SPAG16: variants seen among roughly 807,000 people sequenced by gnomAD.
SPAG16 encodes sperm associated antigen 16, also known as sperm-associated antigen 16 protein.
A neutral mutation model predicts 80.4 loss-of-function variants in SPAG16; 86 were observed. That is an observed-to-expected ratio of 1.07 (90% CI 0.90 to 1.28). The LOEUF is 1.28. SPAG16 is among the 50% of genes most tolerant of loss of function. SPAG16 has a pLI of 0.00. For missense variants in SPAG16, 870 were observed against 765.3 expected (o/e 1.14, Z -1.61); for synonymous variants, 294 against 265.9 (o/e 1.11, Z -1.03).
chr2:214,088,458 G>C (rs1003046885), intron 13 of SPAG16, among the ~76,000 whole-genome samples: 2 of 151,924 alleles, frequency 1.3e-5, no homozygotes, highest in African/African-American at 2.4e-5. Flanking sequence ...ATTCTAGAAG[G>C]ACATTTTAAT....
At chr2:214,307,753 A>G (rs1271240052) in intron 15 of SPAG16, among the ~76,000 whole-genome samples, 1 of 152,116 alleles carries the variant, frequency 6.6e-6, no homozygotes, top group African/African-American at 2.4e-5. Flanking sequence ...CTATGGTCTG[A>G]GAGAGTGGTT....
In SPAG16 at chr2:213,576,721, G is replaced by A. The variant is rs113622873; in HGVS notation, c.1070+86631G>A. Among the ~76,000 whole-genome samples the A allele has an allele frequency of 7.9e-4, 120 of 152,224 alleles. 2 individuals carry two copies. Among genetic ancestry groups the A allele is most frequent in the Middle Eastern group, 3.4e-3 (1 of 294 alleles). On this transcript the variant is annotated intron_variant, in intron 10 of 15. Transcript: ENST00000331683. The stretch of plus-strand genomic sequence containing the variant: ...CATTATCCTTAGCAAACTAACACAT[G>A]AACAGAAAACCAAATAGTGCTTGTT...
chr2:214,134,123 T>C (rs2054924434), intron 14 of SPAG16, among the ~76,000 whole-genome samples: 1 of 151,774 alleles, frequency 6.6e-6, no homozygotes, highest in African/African-American at 2.4e-5. Flanking sequence ...TGACGACTCA[T>C]AGTTTCTGAC....
chr2:214,248,403 C>T lies in SPAG16; in HGVS notation c.1720+99137C>T, dbSNP rs529615414. Among the ~76,000 whole-genome samples, 4 of 151,422 alleles carry T rather than the reference C, an allele frequency of 2.6e-5. No homozygotes were observed. In the East Asian group the frequency reaches 5.8e-4, roughly 22 times the overall value. On this transcript the variant is annotated intron_variant, in intron 15 of 15. Coordinates refer to ENST00000331683, the MANE Select transcript of SPAG16 (RefSeq NM_024532.5). ...CACAATCTCAGCTCACTGCAACTTC[C>T]ACTCCCCAGGTTCAGGCAATTCTTC...
chr2:214,385,469 T>C (rs1006195617), intron 15 of SPAG16, among the ~76,000 whole-genome samples: 1 of 152,220 alleles, frequency 6.6e-6, no homozygotes, highest in African/African-American at 2.4e-5. Flanking sequence ...ATTCTGACTC[T>C]AGAGCCTATG....
At chr2:213,824,311 T>C (rs1422157921) in intron 10 of SPAG16, among the ~76,000 whole-genome samples, 1 of 152,224 alleles carries the variant, frequency 6.6e-6, no homozygotes, top group African/African-American at 2.4e-5. Context: ...TTAGACATCT[T>C]TGCCCAATGC....
chr2:213,408,239 TA>T (rs1159908882), intron 9 of SPAG16, among the ~76,000 whole-genome samples: 1 of 152,214 alleles, frequency 6.6e-6, no homozygotes, highest in East Asian at 1.9e-4. Flanking sequence ...CACCTTGTTG[TA>T]AGTGTAAACA....
chr2:213,846,469 C>T (rs2125770885), intron 10 of SPAG16, among the ~76,000 whole-genome samples: 1 of 152,084 alleles, frequency 6.6e-6, no homozygotes, highest in Non-Finnish European at 1.5e-5. Context: ...TTTTCCGACT[C>T]AATTACAGTG....
intron 8 of SPAG16, among the ~76,000 whole-genome samples, chr2:213,370,162 T>C (rs2066551920): frequency 6.6e-6 from 1 of 152,162 alleles, no homozygotes; most frequent in African/African-American, 2.4e-5. Flanking sequence ...GTCATAAAAG[T>C]AACACAACAA....
intron 10 of SPAG16, among the ~76,000 whole-genome samples, chr2:213,517,498 T>G (rs1231370094): frequency 6.6e-6 from 1 of 152,126 alleles, no homozygotes; most frequent in Non-Finnish European, 1.5e-5. Flanking sequence ...GCCTGAATAT[T>G]CAAAGCAATC....
chr2:213,344,968 A>C (rs1343726622), intron 6 of SPAG16, among the ~76,000 whole-genome samples: 1 of 152,186 alleles, frequency 6.6e-6, no homozygotes, highest in Non-Finnish European at 1.5e-5. Flanking sequence ...TGACTTCCAC[A>C]ATGGTTGAAC....
intron 13 of SPAG16, among the ~76,000 whole-genome samples, chr2:214,029,390 G>A (rs532707086): frequency 1.3e-5 from 2 of 152,142 alleles, no homozygotes; most frequent in East Asian, 3.9e-4. Flanking sequence ...TGGATGACTG[G>A]CATTTACTCA....
chr2:213,489,026 G>A (rs1207107541), intron 9 of SPAG16, among the ~76,000 whole-genome samples: 1 of 141,688 alleles, frequency 7.1e-6, no homozygotes, highest in Non-Finnish European at 1.5e-5. Context: ...AGTGAGCCAA[G>A]ATCCCGCCAC....
chr2:213,877,084 C>G (rs2076168773), intron 11 of SPAG16, among the ~76,000 whole-genome samples: 1 of 152,078 alleles, frequency 6.6e-6, no homozygotes, highest in African/African-American at 2.4e-5. Flanking sequence ...GAAAAGTGAC[C>G]TTGATATTTA....
intron 15 of SPAG16, among the ~76,000 whole-genome samples, chr2:214,201,243 T>G (rs967985846): frequency 6.6e-6 from 1 of 152,154 alleles, no homozygotes; most frequent in Non-Finnish European, 1.5e-5. Context: ...AAAATAGAGA[T>G]TCCTGACTAA....
rs145796030 is a variant in SPAG16, at chr2:214,062,852, G to A, written c.1528-45344G>A. Among the ~76,000 whole-genome samples, 1,062 of 151,846 alleles carry A rather than the reference G, an allele frequency of 7.0e-3. 16 individuals are homozygous for A. The highest frequency in any genetic ancestry group is 0.024 in the African/African-American group (989 of 41,410). On this transcript the variant is annotated intron_variant, in intron 13 of 15. Transcript: ENST00000331683. ...AGTGACCTACATGATCTGCTCCTCCGCTTTTCTTCTGACAACATCTCCTAT... is the reference window on the plus strand; with the variant it reads ...AGTGACCTACATGATCTGCTCCTCCACTTTTCTTCTGACAACATCTCCTAT...
chr2:214,376,921 A>G (rs912938764), intron 15 of SPAG16, among the ~76,000 whole-genome samples: 2 of 152,236 alleles, frequency 1.3e-5, no homozygotes, highest in African/African-American at 4.8e-5. Flanking sequence ...AATTTATTAT[A>G]AAAATTTAAA....
At chr2:214,309,787 T>C (rs1448056782) in intron 15 of SPAG16, among the ~76,000 whole-genome samples, 3 of 152,210 alleles carry the variant, frequency 2.0e-5, no homozygotes, top group Non-Finnish European at 4.4e-5. Flanking sequence ...GGAACCAAAG[T>C]GTGGCAGCTG....
rs551587223 is a variant in SPAG16 at position 214,391,583 on chromosome 2, G to T, written c.1721-18557G>T. ...ATGGGTAGAAACACACAAGGCCAAA[G>T]GAAACACAGAGGATACAACAGAGGG... On this transcript the variant is annotated intron_variant, in intron 15 of 15. Coordinates refer to ENST00000331683, the MANE Select transcript of SPAG16 (RefSeq NM_024532.5). 2.0e-5 allele frequency among the ~76,000 whole-genome samples: 3 copies of T among 152,146 alleles called. No homozygotes were observed. In the South Asian group the frequency reaches 6.2e-4, roughly 32 times the overall value.
Sources: gnomAD v4.1 joint callset for allele counts (sites outside exome capture counted in the v4.1 genomes callset) on GRCh38, gnomAD v4.1.1 for gene constraint, MANE v1.5 for transcripts, NCBI Gene and HGNC (gene_info 2026-07-23, HGNC 2026-07-21) for gene names.